SLC12A2: variants seen among roughly 807,000 people sequenced by gnomAD.
SLC12A2 encodes solute carrier family 12 member 2.
Under a neutral mutation model 136.3 loss-of-function variants are expected in SLC12A2, and 67 were observed. The observed-to-expected ratio is 0.49, with a 90% confidence interval of 0.40 to 0.60. The LOEUF is 0.60. Among genes scored for constraint, SLC12A2 ranks in the 20% least tolerant of loss-of-function variants. The pLI, the probability that SLC12A2 is intolerant of heterozygous loss-of-function variation, is 0.00. For synonymous variants in SLC12A2, 619 were observed against 562.9 expected (o/e 1.10, Z -1.41); for missense variants, 1,322 against 1,534.7 (o/e 0.86, Z 2.32).
rs936370639 is a variant in SLC12A2, at chr5:128,187,825, G to T, written c.*1194G>T. On this transcript the variant is annotated 3_prime_UTR_variant, in exon 27 of 27. Transcript: ENST00000262461. ...TTTGTGCTTTTGAAATGTCTGTTTTGACATCATAGTCTAGTAAAATTTTGA... is the reference window on the plus strand; with the variant it reads ...TTTGTGCTTTTGAAATGTCTGTTTTTACATCATAGTCTAGTAAAATTTTGA... 1.3e-5 allele frequency: 2 copies of T among 152,478 alleles called. No individual in the cohort carries two copies. The highest frequency in any genetic ancestry group is 2.9e-5 in the Non-Finnish European group (2 of 67,996). The allele number at this position is 152,478 out of a possible 1,614,324, so 9.4% of individuals were successfully genotyped here. A position where few individuals can be genotyped will look rare whatever the true frequency, so the allele number is the denominator to read the frequency against.
chr5:128,158,012 C>G (rs1364472685), intron 15 of SLC12A2, 41 bp from the exon 16 acceptor site: 2 of 1,550,234 alleles, frequency 1.3e-6, no homozygotes, highest in African/African-American at 2.7e-5. Context: ...GCCAGAAACA[C>G]AAATTTATCT....
chr5:128,105,028 GA>G (rs1370764870), intron 1 of SLC12A2, among the ~76,000 whole-genome samples: 2 of 152,084 alleles, frequency 1.3e-5, no homozygotes, highest in East Asian at 1.9e-4. Flanking sequence ...CTGTCATTTG[GA>G]AAATGGTTAA....
At position 128,176,882 on chromosome 5, in the gene SLC12A2, T is replaced by C. The variant is rs1375157924; in HGVS notation, c.2930-223T>C. The stretch of plus-strand genomic sequence containing the variant: ...AAAGTAATTTTACAGAAATTAAATT[T>C]AGGGGTGTTAGTCATCCTGTAGGGG... On this transcript the variant is annotated intron_variant, in intron 20 of 26. Coordinates refer to ENST00000262461, the MANE Select transcript of SLC12A2 (RefSeq NM_001046.3). 2.6e-5 allele frequency among the ~76,000 whole-genome samples: 4 copies of C among 152,048 alleles called. No individual in the cohort carries two copies. In the South Asian group the frequency reaches 6.2e-4, roughly 24 times the overall value.
intron 1 of SLC12A2, among the ~76,000 whole-genome samples, chr5:128,090,870 G>T (rs1246583788): frequency 6.6e-6 from 1 of 152,206 alleles, no homozygotes; most frequent in Non-Finnish European, 1.5e-5. Flanking sequence ...TCAGGGGGTA[G>T]TGAGGACCAA....
At chr5:128,099,333 TA>T (rs1760661815) in intron 1 of SLC12A2, among the ~76,000 whole-genome samples, 4 of 152,048 alleles carry the variant, frequency 2.6e-5, no homozygotes, top group Non-Finnish European at 5.9e-5. Context: ...ACAGTAAAAA[TA>T]CAATATAAAA....
In SLC12A2 at chr5:128,151,230, G is replaced by T. The variant is rs936451943; in HGVS notation, c.2108-11G>T. On this transcript the variant is annotated splice_polypyrimidine_tract_variant and intron_variant, in intron 13 of 26. Coordinates refer to ENST00000262461, the MANE Select transcript of SLC12A2 (RefSeq NM_001046.3). ...GTATTTGTGTGACTTTTATTTATTT[G>T]TTATTGTTAGGATGGCGTCCTGCAT... is the stretch of plus-strand genomic sequence containing the variant. The T allele has an allele frequency of 6.3e-7, 1 of 1,597,090 alleles. No homozygotes were observed. The highest frequency in any genetic ancestry group is 1.4e-5 in the African/African-American group (1 of 73,998).
chr5:128,142,059 A>T (rs1027016872), intron 10 of SLC12A2, 78 bp downstream of exon 10: 32 of 1,200,498 alleles, frequency 2.7e-5, no homozygotes, highest in Non-Finnish European at 3.8e-5. Context: ...GACCATTCAG[A>T]ATATAGCTGT....
intron 15 of SLC12A2, among the ~76,000 whole-genome samples, chr5:128,153,880 G>A (rs1762788968): frequency 6.6e-6 from 1 of 151,976 alleles, no homozygotes; most frequent in Admixed American, 6.6e-5. Flanking sequence ...TTCAGCTTTA[G>A]GGTAGACAGA....
chr5:128,171,316 TA>T (rs778419690), intron 18 of SLC12A2, among the ~76,000 whole-genome samples: 24 of 152,146 alleles, frequency 1.6e-4, no homozygotes, highest in Non-Finnish European at 1.0e-4. Flanking sequence ...CTCTTGGTTT[TA>T]ATGGTATAAG....
At chr5:128,096,401 T>A (rs1481063539) in intron 1 of SLC12A2, among the ~76,000 whole-genome samples, 1 of 152,110 alleles carries the variant, frequency 6.6e-6, no homozygotes, top group Non-Finnish European at 1.5e-5. Flanking sequence ...AACCTCTTTT[T>A]TATAAAACCT....
At chr5:128,169,761 G>C (rs1395966395) in intron 18 of SLC12A2, 1 of 152,032 alleles carries the variant, frequency 6.6e-6, no homozygotes. Context: ...CTAAAAAATA[G>C]AAAAAGTGAC....
rs1345385762 is a variant in SLC12A2, at chr5:128,189,107, A to T, written c.*2476A>T. The T allele has an allele frequency of 6.6e-6, 1 of 152,378 alleles. No individual in the cohort carries two copies. Among genetic ancestry groups the T allele is most frequent in the East Asian group, 1.9e-4 (1 of 5,202 alleles). 9.4% of individuals were successfully genotyped at this position (152,378 alleles called of 1,614,324 possible). ...GTAAGAAGCTTTTCACTTAAAAAAAATGCATTACTTTCACTTAACACTAGA... is the reference window on the plus strand; with the variant it reads ...GTAAGAAGCTTTTCACTTAAAAAAATTGCATTACTTTCACTTAACACTAGA... On this transcript the variant is annotated 3_prime_UTR_variant, in exon 27 of 27. Coordinates refer to ENST00000262461, the MANE Select transcript of SLC12A2 (RefSeq NM_001046.3).
chr5:128,181,106 G>A (rs1451583254), intron 23 of SLC12A2, 112 bp downstream of exon 23: 3 of 735,152 alleles, frequency 4.1e-6, no homozygotes, highest in African/African-American at 1.8e-5. Flanking sequence ...ATCTTGCTTT[G>A]TTCTTTACTG....
intron 1 of SLC12A2, among the ~76,000 whole-genome samples, chr5:128,103,156 A>T (rs1760806592): frequency 6.6e-6 from 1 of 152,204 alleles, no homozygotes; most frequent in East Asian, 1.9e-4. Context: ...ACTTGAAAAT[A>T]ATGCCCAAAC....
Position 128,101,042 on chromosome 5 carries a change from T to A in SLC12A2, c.757-11772T>A, listed in dbSNP as rs552552531. ...ACCATCCACTTTTATCTGTGGCACT[T>A]GAGTTTTGAGCTTTGCATTAATACC... On this transcript the variant is annotated intron_variant, in intron 1 of 26. Coordinates refer to ENST00000262461, the MANE Select transcript of SLC12A2 (RefSeq NM_001046.3). 2.0e-5 allele frequency among the ~76,000 whole-genome samples: 3 copies of A among 152,256 alleles called. No individual in the cohort carries two copies. In the South Asian group the frequency reaches 6.2e-4, roughly 32 times the overall value.
At chr5:128,129,457 T>C (rs1242714518) in intron 4 of SLC12A2, among the ~76,000 whole-genome samples, 2 of 151,622 alleles carry the variant, frequency 1.3e-5, no homozygotes, top group Non-Finnish European at 2.9e-5. Flanking sequence ...ATGAGGCTAA[T>C]GTTAAATGGT....
chr5:128,158,126 A>G lies in SLC12A2; in HGVS notation c.2437A>G (p.Lys813Glu), dbSNP rs1762920134. The G allele has an allele frequency of 6.2e-7, 1 of 1,613,546 alleles. No individual in the cohort carries two copies. The highest frequency in any genetic ancestry group is 8.5e-7 in the Non-Finnish European group (1 of 1,179,698). Residue 813 changes from lysine (K) to glutamate (E), a missense_variant, in exon 16 of 27, where the codon AAA (lysine) becomes GAA (glutamate). By Grantham distance (56) the Lys-to-Glu change is moderately conservative. Coordinates refer to ENST00000262461, the MANE Select transcript of SLC12A2 (RefSeq NM_001046.3). Reference sequence around the variant, plus strand: ...ACTTCATCTTGTTCATGATTTCACAAAAAATGTTGGTTTGATGATCTGTGG... The same window carrying G: ...ACTTCATCTTGTTCATGATTTCACAGAAAATGTTGGTTTGATGATCTGTGG... ...ALLHLVHDFT[K>E]NVGLMICGHV...
chr5:128,091,761 A>G (rs1760329595), intron 1 of SLC12A2, among the ~76,000 whole-genome samples: 2 of 152,228 alleles, frequency 1.3e-5, no homozygotes, highest in African/African-American at 4.8e-5. Context: ...AAAATAGCTT[A>G]GTGGAATGTT....
In SLC12A2 at chr5:128,111,137, G is replaced by A. The variant is rs533757357; in HGVS notation, c.757-1677G>A. ...TGAAGATAACGTTTCTACTTATGCAGTATTCTCATGACTGTACTTTACATT... is the reference window on the plus strand; with the variant it reads ...TGAAGATAACGTTTCTACTTATGCAATATTCTCATGACTGTACTTTACATT... On this transcript the variant is annotated intron_variant, in intron 1 of 26. Coordinates refer to ENST00000262461, the MANE Select transcript of SLC12A2 (RefSeq NM_001046.3). The A allele has an allele frequency of 1.2e-3, 484 of 405,430 alleles. 1 individual carries two copies. Among genetic ancestry groups the A allele is most frequent in the Middle Eastern group, 5.8e-3 (8 of 1,384 alleles). The allele number at this position is 405,430 out of a possible 1,614,324, so 25.1% of individuals were successfully genotyped here. A position where few individuals can be genotyped will look rare whatever the true frequency, so the allele number is the denominator to read the frequency against.
Sources: allele counts gnomAD v4.1 joint callset (sites outside exome capture counted in the v4.1 genomes callset), GRCh38; gene constraint gnomAD v4.1.1; transcripts MANE v1.5; gene names NCBI Gene and HGNC (gene_info 2026-07-23, HGNC 2026-07-21).